GRM5: variants seen among roughly 807,000 people sequenced by gnomAD.
GRM5 encodes the protein glutamate metabotropic receptor 5.
A neutral mutation model predicts 83.1 loss-of-function variants in GRM5; 19 were observed. That is an observed-to-expected ratio of 0.23 (90% CI 0.16 to 0.34). The LOEUF (loss-of-function observed/expected upper bound fraction) is 0.34, where lower values mean the gene tolerates loss of function less well. GRM5 is among the 10% of genes least tolerant of loss of function. The pLI is 1.00. For synonymous variants in GRM5, 675 were observed against 633.6 expected (o/e 1.07, Z -0.98); for missense variants, 1,160 against 1,588.3 (o/e 0.73, Z 4.58).
At position 88,723,508 on chromosome 11, in the gene GRM5, A is replaced by G. The variant is rs7949299; in HGVS notation, c.912-70105T>C. On this transcript the variant is annotated intron_variant, in intron 3 of 9. Coordinates refer to ENST00000305447, the MANE Select transcript of GRM5 (RefSeq NM_001143831.3). ...CATTTCGAATTCCCACAAGCAATCA[A>G]TAAGACTTCCTGTTGCTCCATGCTT... Among the ~76,000 whole-genome samples the G allele has an allele frequency of 7.7e-3, 1,169 of 152,220 alleles. 17 individuals carry two copies. Among genetic ancestry groups the G allele is most frequent in the African/African-American group, 0.027 (1,102 of 41,546 alleles).
rs1309727575 is a variant in GRM5 at position 88,683,665 on chromosome 11, C to G, written c.912-30262G>C. Among the ~76,000 whole-genome samples, 6 of 152,200 alleles carry G rather than the reference C, an allele frequency of 3.9e-5. No individual in the cohort carries two copies. In the Middle Eastern group the frequency reaches 0.01, roughly 259 times the overall value. ...TAGTTTAAAAGTAACTCTTTCTGCT[C>G]TTGTGTGAAATTCAACATCTACTTT... is the stretch of plus-strand genomic sequence containing the variant. On this transcript the variant is annotated intron_variant, in intron 3 of 9. Coordinates refer to ENST00000305447, the MANE Select transcript of GRM5 (RefSeq NM_001143831.3).
intron 2 of GRM5, among the ~76,000 whole-genome samples, chr11:88,927,827 T>A (rs600108): frequency 0.96 from 145,744 of 152,180 alleles, 69,874 homozygotes; most frequent in East Asian, 0.99. Flanking sequence ...AAATATTTTT[T>A]AGGACATTAT....
At chr11:89,001,211 C>A (rs1940367572) in intron 2 of GRM5, among the ~76,000 whole-genome samples, 1 of 152,014 alleles carries the variant, frequency 6.6e-6, no homozygotes, top group Non-Finnish European at 1.5e-5. Context: ...AGCAATCACT[C>A]TCCTGGGCAT....
intron 4 of GRM5, among the ~76,000 whole-genome samples, chr11:88,645,912 C>T (rs182303754): frequency 6.6e-6 from 1 of 152,204 alleles, no homozygotes; most frequent in Non-Finnish European, 1.5e-5. Flanking sequence ...CTACTCACTC[C>T]TACACCTTGA....
At chr11:88,776,952 G>A (rs969607314) in intron 3 of GRM5, among the ~76,000 whole-genome samples, 1 of 152,166 alleles carries the variant, frequency 6.6e-6, no homozygotes, top group African/African-American at 2.4e-5. Flanking sequence ...TATTTGTGGT[G>A]TTCTCTGTAT....
chr11:89,001,370 T>C (rs1940372607), intron 2 of GRM5, among the ~76,000 whole-genome samples: 2 of 152,100 alleles, frequency 1.3e-5, no homozygotes, highest in Non-Finnish European at 2.9e-5. Context: ...GGTATATCCA[T>C]ATCAGGGGAC....
intron 3 of GRM5, among the ~76,000 whole-genome samples, chr11:88,766,043 C>A (rs546149473): frequency 1.3e-5 from 2 of 151,508 alleles, no homozygotes; most frequent in African/African-American, 4.8e-5. Context: ...AGAGATTTAC[C>A]CAAAGAAGGT....
intron 6 of GRM5, among the ~76,000 whole-genome samples, chr11:88,594,034 C>G (rs567467004): frequency 6.6e-6 from 1 of 152,038 alleles, no homozygotes; most frequent in Non-Finnish European, 1.5e-5. Flanking sequence ...ACCTTGTGAT[C>G]CGCCCGCCTA....
At chr11:88,653,508 G>C in intron 3 of GRM5, 105 bp from the exon 4 acceptor site, 1 of 694,948 alleles carries the variant, frequency 1.4e-6, no homozygotes, top group Non-Finnish European at 2.5e-6. Flanking sequence ...GGCTACCTCA[G>C]GCCCCATGAT....
intron 3 of GRM5, among the ~76,000 whole-genome samples, chr11:88,795,223 C>G (rs189256741): frequency 1.6e-4 from 24 of 152,266 alleles, no homozygotes; most frequent in Non-Finnish European, 2.8e-4. Flanking sequence ...AGCGAGAAAG[C>G]AGTATCCCAG....
intron 3 of GRM5, among the ~76,000 whole-genome samples, chr11:88,728,592 T>C (rs1941736468): frequency 6.6e-6 from 1 of 152,176 alleles, no homozygotes; most frequent in African/African-American, 2.4e-5. Flanking sequence ...TTCAGGCCAG[T>C]ATCCCTGAGG....
intron 2 of GRM5, among the ~76,000 whole-genome samples, chr11:88,922,923 A>G (rs1228511739): frequency 6.6e-6 from 1 of 152,186 alleles, no homozygotes; most frequent in East Asian, 1.9e-4. Flanking sequence ...AAATATCTGA[A>G]TACACATTCC....
At chr11:88,540,049 G>A (rs1044085971) in intron 8 of GRM5, among the ~76,000 whole-genome samples, 1 of 152,164 alleles carries the variant, frequency 6.6e-6, no homozygotes, top group African/African-American at 2.4e-5. Context: ...AACTCAACAA[G>A]TGAAATGGTA....
intron 2 of GRM5, among the ~76,000 whole-genome samples, chr11:88,868,223 T>C (rs1359049196): frequency 6.6e-6 from 1 of 151,826 alleles, no homozygotes; most frequent in East Asian, 1.9e-4. Flanking sequence ...TTCTTCTCAG[T>C]AGGCAATCAT....
intron 2 of GRM5, among the ~76,000 whole-genome samples, chr11:89,015,312 T>G (rs932967674): frequency 1.3e-5 from 2 of 152,178 alleles, no homozygotes; most frequent in African/African-American, 4.8e-5. Flanking sequence ...AGGCAGACAC[T>G]TCACTACTTT....
At position 88,574,943 on chromosome 11, in the gene GRM5, T is replaced by C. The variant is rs1443672599; in HGVS notation, c.1691-6951A>G. Among the ~76,000 whole-genome samples, 40 of 151,604 alleles carry C rather than the reference T, an allele frequency of 2.6e-4. 1 individual carries two copies. Among genetic ancestry groups the C allele is most frequent in the Admixed American group, 2.6e-3 (40 of 15,250 alleles). ...CATCCAACTATGAAGGTCAGATAGA[T>C]GTACTTTTCTTAAGGAGGCTGTTAA... On this transcript the variant is annotated intron_variant, in intron 7 of 9. Coordinates refer to ENST00000305447, the MANE Select transcript of GRM5 (RefSeq NM_001143831.3).
At chr11:88,550,725 T>C (rs908501677) in intron 8 of GRM5, among the ~76,000 whole-genome samples, 1 of 152,192 alleles carries the variant, frequency 6.6e-6, no homozygotes, top group Non-Finnish European at 1.5e-5. Context: ...GAGGCTTAAA[T>C]AGGAAGATTC....
At chr11:88,899,679 T>A (rs1945286132) in intron 2 of GRM5, among the ~76,000 whole-genome samples, 1 of 151,950 alleles carries the variant, frequency 6.6e-6, no homozygotes. Context: ...AATAATCTTG[T>A]ATTATCCTGA....
intron 2 of GRM5, among the ~76,000 whole-genome samples, chr11:88,940,869 G>A (rs1487283786): frequency 1.3e-5 from 2 of 151,918 alleles, no homozygotes; most frequent in Non-Finnish European, 2.9e-5. Context: ...AATGGCAGAA[G>A]ATGAGAAACA....
Sources: gnomAD v4.1 joint callset for allele counts (sites outside exome capture counted in the v4.1 genomes callset) on GRCh38, gnomAD v4.1.1 for gene constraint, MANE v1.5 for transcripts, NCBI Gene and HGNC (gene_info 2026-07-23, HGNC 2026-07-21) for gene names.